Variants in JAKMIP1 observed in about 807,000 individuals in gnomAD.
The protein encoded by JAKMIP1 is janus kinase and microtubule-interacting protein 1.
JAKMIP1 carries 33 observed loss-of-function variants against 113.0 expected under a neutral mutation model. The ratio of observed to expected loss-of-function variants is 0.29; its 90% CI spans 0.22 to 0.39. The LOEUF (loss-of-function observed/expected upper bound fraction) is 0.39, where lower values mean the gene tolerates loss of function less well. Among genes scored for constraint, JAKMIP1 ranks in the 10% least tolerant of loss-of-function variants. The pLI, the probability that JAKMIP1 is intolerant of heterozygous loss-of-function variation, is 1.00. For missense variants in JAKMIP1, 813 were observed against 1,080.5 expected (o/e 0.75, Z 3.47); for synonymous variants, 480 against 459.9 (o/e 1.04, Z -0.56).
intron 19 of JAKMIP1, among the ~76,000 whole-genome samples, chr4:6,033,904 G>A (rs906686680): frequency 3.9e-5 from 6 of 152,134 alleles, no homozygotes; most frequent in Admixed American, 3.9e-4. Context: ...TAACCCTCAG[G>A]GGATCATGCA....
intron 1 of JAKMIP1, among the ~76,000 whole-genome samples, chr4:6,114,918 A>G (rs1229705375): frequency 6.6e-6 from 1 of 152,244 alleles, no homozygotes; most frequent in African/African-American, 2.4e-5. Context: ...GCTCCTTTTT[A>G]TTCCTTTCTG....
intron 1 of JAKMIP1, among the ~76,000 whole-genome samples, chr4:6,190,301 C>G (rs533009237): frequency 5.4e-4 from 82 of 152,286 alleles, no homozygotes; most frequent in Admixed American, 5.9e-4. Flanking sequence ...TAACATATCT[C>G]TATCTAACAT....
At chr4:6,079,288 A>G (rs1720156798) in intron 7 of JAKMIP1, among the ~76,000 whole-genome samples, 1 of 152,180 alleles carries the variant, frequency 6.6e-6, no homozygotes, top group African/African-American at 2.4e-5. Flanking sequence ...GTATGCATAG[A>G]TAAGTGGATG....
chr4:6,043,386 C>T (rs1201176635), intron 16 of JAKMIP1, among the ~76,000 whole-genome samples: 2 of 152,050 alleles, frequency 1.3e-5, no homozygotes, highest in East Asian at 1.9e-4. Flanking sequence ...GCCAGGTCAC[C>T]CCGCACTCGT....
Position 6,099,787 on chromosome 4 carries a change from A to G in JAKMIP1, c.624+5686T>C, listed in dbSNP as rs113306176. 7.2e-3 allele frequency among the ~76,000 whole-genome samples: 1,101 copies of G among 152,196 alleles called. 14 individuals are homozygous for G. Among genetic ancestry groups the G allele is most frequent in the African/African-American group, 0.025 (1,037 of 41,520 alleles). ...CGACAAATAATCTTAGCTTCCTTTTACCTAAAATGTCTTTATTTCACTCTT... is the reference window on the plus strand; with the variant it reads ...CGACAAATAATCTTAGCTTCCTTTTGCCTAAAATGTCTTTATTTCACTCTT... On this transcript the variant is annotated intron_variant, in intron 3 of 20. Coordinates refer to ENST00000409021, the MANE Select transcript of JAKMIP1 (RefSeq NM_001099433.2).
chr4:6,155,595 A>G lies in JAKMIP1; in HGVS notation c.-147-42598T>C, dbSNP rs542450929. On this transcript the variant is annotated intron_variant, in intron 1 of 20. Coordinates refer to ENST00000409021, the MANE Select transcript of JAKMIP1 (RefSeq NM_001099433.2). This position sits in a 1 kb window ranked among gnomAD's most constrained non-coding sequence, Gnocchi z 6.1. ...CTACCTGATTTCCCCTAAAGAACTC[A>G]CGGAGGATTTACGCGCATATTCAGC... Among the ~76,000 whole-genome samples, 16 of 152,210 alleles carry G rather than the reference A, an allele frequency of 1.1e-4. No individual in the cohort carries two copies. The highest frequency in any genetic ancestry group is 2.4e-4 in the Non-Finnish European group (16 of 68,032).
At chr4:6,174,928 G>T (rs371990929) in intron 1 of JAKMIP1, among the ~76,000 whole-genome samples, 2 of 152,262 alleles carry the variant, frequency 1.3e-5, no homozygotes, top group East Asian at 3.9e-4. Context: ...CAACCATGTG[G>T]AGTTCTGACC....
chr4:6,065,119 A>C lies in JAKMIP1; in HGVS notation c.1303-111T>G. On this transcript the variant is annotated intron_variant, in intron 8 of 20. Transcript: ENST00000409021. The surrounding 1 kb of genome is among the most constrained non-coding windows in gnomAD (Gnocchi z 5.1). ...GGGGGTGATGATTGACATTTGGGCC[A>C]CTGGGGCATCACAAGATGCGGTTGG... is the stretch of plus-strand genomic sequence containing the variant. The C allele has an allele frequency of 1.5e-6, 2 of 1,341,260 alleles. No homozygotes were observed. The highest frequency in any genetic ancestry group is 2.1e-6 in the Non-Finnish European group (2 of 950,440). 83.1% of individuals were successfully genotyped at this position (1,341,260 alleles called of 1,614,324 possible). A position where few individuals can be genotyped will look rare whatever the true frequency, so the allele number is the denominator to read the frequency against.
intron 19 of JAKMIP1, among the ~76,000 whole-genome samples, chr4:6,034,721 G>A (rs1159934291): frequency 1.3e-5 from 2 of 152,110 alleles, no homozygotes; most frequent in African/African-American, 4.8e-5. Context: ...AGAATTGCTT[G>A]ACCTGGGAGG....
rs141690645 is a variant in JAKMIP1 at position 6,161,059 on chromosome 4, C to A, written c.-148+39194G>T. Among the ~76,000 whole-genome samples the A allele has an allele frequency of 8.7e-3, 1,259 of 144,446 alleles. 48 individuals are homozygous for A. Among genetic ancestry groups the A allele is most frequent in the Admixed American group, 0.063 (904 of 14,322 alleles). The allele number at this position is 144,446 out of a possible 152,430, so 94.8% of individuals were successfully genotyped here. A position where few individuals can be genotyped will look rare whatever the true frequency, so the allele number is the denominator to read the frequency against. ...TCCACTCACCTCCCCAACCTCCACT[C>A]ACCTCCTCTGATCTCCACTCACCTC... On this transcript the variant is annotated intron_variant, in intron 1 of 20. Coordinates refer to ENST00000409021, the MANE Select transcript of JAKMIP1 (RefSeq NM_001099433.2).
intron 3 of JAKMIP1, among the ~76,000 whole-genome samples, chr4:6,096,374 A>G (rs1242896420): frequency 6.6e-6 from 1 of 152,178 alleles, no homozygotes; most frequent in Non-Finnish European, 1.5e-5. Context: ...TTCCTCTTGT[A>G]AACTTGACAA....
rs930109954 is a variant in JAKMIP1 at position 6,199,563 on chromosome 4, G to A, written c.-148+690C>T. ...CTCCGGAGGCCAGTGCGCCCAGGGC[G>A]CGCCGGCCCGGCAGGAGGGTGGGTG... On this transcript the variant is annotated intron_variant, in intron 1 of 20. Coordinates refer to ENST00000409021, the MANE Select transcript of JAKMIP1 (RefSeq NM_001099433.2). This position sits in a 1 kb window ranked among gnomAD's most constrained non-coding sequence, Gnocchi z 5.6. Among the ~76,000 whole-genome samples the A allele has an allele frequency of 6.6e-6, 1 of 152,122 alleles. No homozygotes were observed.
In JAKMIP1 at chr4:6,142,798, G is replaced by T. The variant is rs917895067; in HGVS notation, c.-147-29801C>A. On this transcript the variant is annotated intron_variant, in intron 1 of 20. Transcript: ENST00000409021. This position sits in a 1 kb window ranked among gnomAD's most constrained non-coding sequence, Gnocchi z 5.5. ...GCTGGTTATGTGGCAGATCCTCCCA[G>T]GGGTACAAATGGCATCACAGGATTT... Among the ~76,000 whole-genome samples the T allele has an allele frequency of 6.6e-6, 1 of 152,178 alleles. No homozygotes were observed. The highest frequency in any genetic ancestry group is 2.4e-5 in the African/African-American group (1 of 41,444).
intron 18 of JAKMIP1, among the ~76,000 whole-genome samples, chr4:6,036,602 CT>C (rs934893372): frequency 5.3e-5 from 8 of 151,856 alleles, no homozygotes; most frequent in African/African-American, 9.7e-5. Flanking sequence ...TTAATTGCCC[CT>C]AACCCCCAAC....
chr4:6,165,632 T>C (rs1723531802), intron 1 of JAKMIP1, among the ~76,000 whole-genome samples: 1 of 152,234 alleles, frequency 6.6e-6, no homozygotes. Flanking sequence ...GTATGTACAT[T>C]GTTGTTTTAG....
chr4:6,106,017 G>T lies in JAKMIP1; in HGVS notation c.130-50C>A. ...CGGTCAGGGTCAGGGTCAGGGTCAG[G>T]GTCAGGGTCAGGGTCACAGCTGGGG... On this transcript the variant is annotated intron_variant, in intron 2 of 20. Transcript: ENST00000409021. The surrounding 1 kb of genome is among the most constrained non-coding windows in gnomAD (Gnocchi z 5.9). The T allele has an allele frequency of 6.4e-6, 8 of 1,249,838 alleles. No individual in the cohort carries two copies. Among genetic ancestry groups the T allele is most frequent in the Non-Finnish European group, 8.9e-6 (8 of 901,144 alleles). The allele number at this position is 1,249,838 out of a possible 1,614,324, so 77.4% of individuals were successfully genotyped here. A position where few individuals can be genotyped will look rare whatever the true frequency, so the allele number is the denominator to read the frequency against.
rs555875806 is a variant in JAKMIP1 at position 6,097,288 on chromosome 4, C to T, written c.624+8185G>A. Among the ~76,000 whole-genome samples the T allele has an allele frequency of 9.2e-5, 14 of 152,336 alleles. No individual in the cohort carries two copies. Among genetic ancestry groups the T allele is most frequent in the African/African-American group, 2.4e-4 (10 of 41,576 alleles). ...TTGGGATTACAGTCATGAGCCATCTCGCCCCGTTCTGACTCTGAATTTATA... is the reference window on the plus strand; with the variant it reads ...TTGGGATTACAGTCATGAGCCATCTTGCCCCGTTCTGACTCTGAATTTATA... On this transcript the variant is annotated intron_variant, in intron 3 of 20. Coordinates refer to ENST00000409021, the MANE Select transcript of JAKMIP1 (RefSeq NM_001099433.2). This position sits in a 1 kb window ranked among gnomAD's most constrained non-coding sequence, Gnocchi z 4.3.
rs1053550284 is a variant in JAKMIP1 at position 6,155,273 on chromosome 4, A to T, written c.-147-42276T>A. On this transcript the variant is annotated intron_variant, in intron 1 of 20. Coordinates refer to ENST00000409021, the MANE Select transcript of JAKMIP1 (RefSeq NM_001099433.2). This position sits in a 1 kb window ranked among gnomAD's most constrained non-coding sequence, Gnocchi z 6.1. ...AACAACATTCCCTCCTCTGCGCTCA[A>T]CGCCTTTTAATACCAGCAACCACCA... 5.9e-5 allele frequency among the ~76,000 whole-genome samples: 9 copies of T among 152,108 alleles called. No homozygotes were observed. The highest frequency in any genetic ancestry group is 1.9e-4 in the African/African-American group (8 of 41,416).
In JAKMIP1 at chr4:6,176,864, C is replaced by T. The variant is rs1224881506; in HGVS notation, c.-148+23389G>A. ...CCTGGGCAACATGGCGAAACCCTGC[C>T]TCTACAAAAAATACAAAAATTAGCC... is the stretch of plus-strand genomic sequence containing the variant. On this transcript the variant is annotated intron_variant, in intron 1 of 20. Coordinates refer to ENST00000409021, the MANE Select transcript of JAKMIP1 (RefSeq NM_001099433.2). The surrounding 1 kb of genome is among the most constrained non-coding windows in gnomAD (Gnocchi z 5.5). Among the ~76,000 whole-genome samples, 1 of 152,116 alleles carries T rather than the reference C, an allele frequency of 6.6e-6. No homozygotes were observed. Among genetic ancestry groups the T allele is most frequent in the Non-Finnish European group, 1.5e-5 (1 of 68,024 alleles).
Sources: gnomAD v4.1 joint callset for allele counts (sites outside exome capture counted in the v4.1 genomes callset) on GRCh38, gnomAD v4.1.1 for gene constraint, Gnocchi (gnomAD v3.1) non-coding constraint, MANE v1.5 for transcripts, NCBI Gene and HGNC (gene_info 2026-07-23, HGNC 2026-07-21) for gene names.